Variants in ZFHX3 observed in about 807,000 individuals in gnomAD.
ZFHX3 encodes the protein zinc finger homeobox protein 3.
Under a neutral mutation model 279.1 loss-of-function variants are expected in ZFHX3, and 42 were observed. The ratio of observed to expected loss-of-function variants is 0.15; its 90% CI spans 0.12 to 0.19. The LOEUF (loss-of-function observed/expected upper bound fraction) is 0.19. Ranked by LOEUF, ZFHX3 falls within the 10% of genes least tolerant of loss-of-function variation. The pLI is 1.00. For synonymous variants in ZFHX3, 2,293 were observed against 1,957.8 expected, an observed-to-expected ratio of 1.17 and a Z score of -4.52; for missense variants, 4,981 against 4,754.0, an observed-to-expected ratio of 1.05 and a Z score of -1.40.
chr16:73,581,260 G>C (rs1293110596), intron 2 of ZFHX3, among the ~76,000 whole-genome samples: 1 of 151,752 alleles, frequency 6.6e-6, no homozygotes, highest in African/African-American at 2.4e-5. Flanking sequence ...TGGCATTAAT[G>C]AAAGAATGGT....
chr16:73,807,202 G>T (rs961861407), intron 1 of ZFHX3, among the ~76,000 whole-genome samples: 2 of 152,098 alleles, frequency 1.3e-5, no homozygotes, highest in African/African-American at 2.4e-5. Flanking sequence ...TACCCCAGAA[G>T]TTGAGTTGTG....
Position 72,957,604 on chromosome 16 carries a change from G to C in ZFHX3, c.2542C>G (p.Leu848Val). The C allele has an allele frequency of 6.2e-7, 1 of 1,614,218 alleles. No individual in the cohort carries two copies. Among genetic ancestry groups the C allele is most frequent in the Non-Finnish European group, 8.5e-7 (1 of 1,180,048 alleles). ...NMTQIQHNRH[L>V]GLGSLPSPAE... is the part of the protein sequence containing the mutation. ...GGTGAGGGCAGGCTGCCGAGGCCCA[G>C]GTGGCGGTTGTGTTGGATCTGGGTC... Residue 848 changes from leucine (L) to valine (V), a missense_variant, in exon 2 of 10, where the codon CTG becomes GTG. Leu to Val is a conservative substitution (Grantham distance 32). Coordinates refer to ENST00000268489, the MANE Select transcript of ZFHX3 (RefSeq NM_006885.4).
At chr16:72,993,717 T>C (rs902062242) in intron 1 of ZFHX3, among the ~76,000 whole-genome samples, 1 of 152,176 alleles carries the variant, frequency 6.6e-6, no homozygotes, top group Non-Finnish European at 1.5e-5. Flanking sequence ...AACTGCTGTT[T>C]GCTCACGATA....
chr16:73,219,305 G>A (rs561582603), intron 5 of ZFHX3, among the ~76,000 whole-genome samples: 1 of 152,298 alleles, frequency 6.6e-6, no homozygotes, highest in South Asian at 2.1e-4. Flanking sequence ...AACACGCCAT[G>A]TTATTAACAG....
At chr16:73,113,813 T>TTTA (rs57149538) in intron 7 of ZFHX3, among the ~76,000 whole-genome samples, 1 of 149,948 alleles carries the variant, frequency 6.7e-6, no homozygotes, top group African/African-American at 2.5e-5. Context: ...TTTTTTTTTT[T>TTTA]AGACAGAGTC....
At chr16:73,284,850 G>A (rs1260267537) in intron 4 of ZFHX3, among the ~76,000 whole-genome samples, 1 of 151,852 alleles carries the variant, frequency 6.6e-6, no homozygotes, top group Non-Finnish European at 1.5e-5. Context: ...CTTTGTTTTT[G>A]TTTTGTTTTT....
At chr16:72,921,608 T>C (rs2039586315) in intron 3 of ZFHX3, among the ~76,000 whole-genome samples, 1 of 152,200 alleles carries the variant, frequency 6.6e-6, no homozygotes. Flanking sequence ...AGAAGCATGA[T>C]GGAGACAGTT....
rs540478495 is a variant in ZFHX3, at chr16:73,008,911, C to T, written c.-50+38841G>A. ...AGCTACAAGAAAAATAAAGTATATA[C>T]GTGTGTGTGTGTGTGTGTGTGTGTG... On this transcript the variant is annotated intron_variant, in intron 1 of 9. Coordinates refer to ENST00000268489, the MANE Select transcript of ZFHX3 (RefSeq NM_006885.4). 2.9e-4 allele frequency among the ~76,000 whole-genome samples: 44 copies of T among 149,732 alleles called. No individual in the cohort carries two copies. In the East Asian group the frequency reaches 7.3e-3, roughly 25 times the overall value.
At chr16:73,427,620 C>T (rs2017833700) in intron 3 of ZFHX3, among the ~76,000 whole-genome samples, 2 of 152,304 alleles carry the variant, frequency 1.3e-5, no homozygotes, top group Non-Finnish European at 1.5e-5. Flanking sequence ...CCAGCAGCAA[C>T]AGTAGCCACT....
chr16:72,871,439 T>G (rs915144673), intron 4 of ZFHX3, among the ~76,000 whole-genome samples: 9 of 151,960 alleles, frequency 5.9e-5, no homozygotes, highest in African/African-American at 1.5e-4. Flanking sequence ...ACTCACTGGT[T>G]CAAGCAATTT....
chr16:73,142,460 G>A (rs1016524773), intron 6 of ZFHX3, among the ~76,000 whole-genome samples: 2 of 152,176 alleles, frequency 1.3e-5, no homozygotes, highest in South Asian at 2.1e-4. Flanking sequence ...GAGTACAGAG[G>A]GGGGATTATA....
intron 1 of ZFHX3, among the ~76,000 whole-genome samples, chr16:73,877,770 T>A (rs964399057): frequency 1.3e-5 from 2 of 152,056 alleles, no homozygotes; most frequent in African/African-American, 4.8e-5. Context: ...AAAATATTTT[T>A]AAAAAGAGAA....
rs751575363 is a variant in ZFHX3 at position 72,787,719 on chromosome 16, ACCGCCGCCGCCG to A, written c.10545_10556del (p.Gly3524_Gly3527del). The A allele has an allele frequency of 2.1e-5, 27 of 1,297,346 alleles. 2 individuals carry two copies. Among genetic ancestry groups the A allele is most frequent in the Admixed American group, 2.8e-5 (1 of 35,938 alleles). The allele number at this position is 1,297,346 out of a possible 1,614,324, so 80.4% of individuals were successfully genotyped here. On this transcript the variant is annotated inframe_deletion, in exon 10 of 10. Coordinates refer to ENST00000268489, the MANE Select transcript of ZFHX3 (RefSeq NM_006885.4). Reference sequence around the variant, plus strand: ...AGCCGCCGCCGCCGCCGCCGCCGCCACCGCCGCCGCCGCCGCCACTGCCACCGCCGCCGCCGC... The same window carrying A: ...AGCCGCCGCCGCCGCCGCCGCCGCCACCGCCACTGCCACCGCCGCCGCCGC...
At chr16:73,531,275 T>C (rs2019797475) in intron 2 of ZFHX3, among the ~76,000 whole-genome samples, 1 of 152,224 alleles carries the variant, frequency 6.6e-6, no homozygotes, top group Non-Finnish European at 1.5e-5. Context: ...CTTCTAACCT[T>C]TCAGGTCAAC....
intron 4 of ZFHX3, among the ~76,000 whole-genome samples, chr16:72,836,443 C>T (rs1215285125): frequency 6.6e-6 from 1 of 152,142 alleles, no homozygotes; most frequent in East Asian, 1.9e-4. Context: ...AGGTAACTTC[C>T]AAGCGATTAG....
At chr16:72,842,691 G>C (rs1377476367) in intron 4 of ZFHX3, among the ~76,000 whole-genome samples, 1 of 151,926 alleles carries the variant, frequency 6.6e-6, no homozygotes, top group Non-Finnish European at 1.5e-5. Context: ...AACAAACCCA[G>C]GTAAGGTTAT....
At chr16:73,355,311 GAAT>G (rs368784576) in intron 3 of ZFHX3, among the ~76,000 whole-genome samples, 2 of 152,222 alleles carry the variant, frequency 1.3e-5, no homozygotes, top group East Asian at 1.9e-4. Flanking sequence ...CTCCTGACAT[GAAT>G]AATAATAATA....
intron 3 of ZFHX3, among the ~76,000 whole-genome samples, chr16:73,438,844 C>A (rs2018039227): frequency 6.6e-6 from 1 of 152,164 alleles, no homozygotes; most frequent in South Asian, 2.1e-4. Context: ...TAGAGAGTGA[C>A]AGTGTTTTCC....
intron 1 of ZFHX3, among the ~76,000 whole-genome samples, chr16:73,791,959 T>C (rs1484748423): frequency 6.6e-6 from 1 of 152,192 alleles, no homozygotes; most frequent in African/African-American, 2.4e-5. Context: ...AGTTTACAGA[T>C]GGGAAAATTA....
Sources: gnomAD v4.1 joint callset for allele counts (sites outside exome capture counted in the v4.1 genomes callset) on GRCh38, gnomAD v4.1.1 for gene constraint, MANE v1.5 for transcripts, NCBI Gene and HGNC (gene_info 2026-07-23, HGNC 2026-07-21) for gene names.